The following FLT3 variants were observed in gnomAD, a reference collection of about 807,000 sequenced individuals.
FLT3 encodes the protein receptor-type tyrosine-protein kinase FLT3.
A neutral mutation model predicts 126.6 loss-of-function variants in FLT3; 46 were observed. The ratio of observed to expected loss-of-function variants is 0.36; its 90% CI spans 0.29 to 0.46. FLT3 has a LOEUF of 0.46. FLT3 is among the 20% of genes least tolerant of loss of function. FLT3 has a pLI of 1.00. For synonymous variants in FLT3, 404 were observed against 434.4 expected (o/e 0.93, Z 0.87); for missense variants, 1,069 against 1,190.3 (o/e 0.90, Z 1.50).
At chr13:28,010,650 A>G (rs1871273431) in intron 23 of FLT3, among the ~76,000 whole-genome samples, 1 of 152,010 alleles carries the variant, frequency 6.6e-6, no homozygotes, top group Non-Finnish European at 1.5e-5. Flanking sequence ...TTCTCCATGC[A>G]TTTCCCACTC....
rs2137651317 is a variant in FLT3, at chr13:28,027,097, G to A, written c.2198C>T (p.Pro733Leu). 1 of 1,613,312 alleles carries A rather than the reference G, an allele frequency of 6.2e-7. No individual in the cohort carries two copies. ...FSFYPTFQSH[P>L]NSSMPGSREV... is the part of the protein sequence containing the mutation. Reference sequence around the variant, plus strand: ...TGACCCAGCCTCTTACCTGGAATTTGGATGTGATTGGAAAGTGGGGTAAAA... The same window carrying A: ...TGACCCAGCCTCTTACCTGGAATTTAGATGTGATTGGAAAGTGGGGTAAAA... Residue 733 changes from proline to leucine, a missense_variant, in exon 17 of 24, where the codon CCA (proline) becomes CTA (leucine). Coordinates refer to ENST00000241453, the MANE Select transcript of FLT3 (RefSeq NM_004119.3).
Position 28,100,526 on chromosome 13 carries a change from G to C in FLT3, c.-16C>G. ...ACGCCGGCATGGCCTCCGGAGCCCG[G>C]GGTCCCCAGGCCGCGCCGGCCCAGC... On this transcript the variant is annotated 5_prime_UTR_variant, in exon 1 of 24. Coordinates refer to ENST00000241453, the MANE Select transcript of FLT3 (RefSeq NM_004119.3). This position sits in a 1 kb window ranked among gnomAD's most constrained non-coding sequence, Gnocchi z 4.8. 1 of 1,213,122 alleles carries C rather than the reference G, an allele frequency of 8.2e-7. No homozygotes were observed. The allele number at this position is 1,213,122 out of a possible 1,614,324, so 75.1% of individuals were successfully genotyped here. A position where few individuals can be genotyped will look rare whatever the true frequency, so the allele number is the denominator to read the frequency against.
intron 1 of FLT3, among the ~76,000 whole-genome samples, chr13:28,085,907 G>T (rs1178331921): frequency 6.6e-6 from 1 of 152,098 alleles, no homozygotes; most frequent in East Asian, 1.9e-4. Flanking sequence ...GAGCCCAGGA[G>T]TTTGAGACCA....
chr13:28,073,379 A>C (rs752845285), intron 1 of FLT3: 12 of 418,718 alleles, frequency 2.9e-5, no homozygotes, highest in Non-Finnish European at 5.1e-5. Context: ...AGCATTTTTT[A>C]CTGTCACTTG....
At chr13:28,068,691 A>G (rs1402016766) in intron 2 of FLT3, among the ~76,000 whole-genome samples, 1 of 152,182 alleles carries the variant, frequency 6.6e-6, no homozygotes, top group East Asian at 1.9e-4. Context: ...TCAGCCTCAC[A>G]AGTAGCTGGG....
At chr13:28,082,315 T>C (rs1878380868) in intron 1 of FLT3, among the ~76,000 whole-genome samples, 1 of 152,170 alleles carries the variant, frequency 6.6e-6, no homozygotes, top group African/African-American at 2.4e-5. Context: ...CACACTCAGC[T>C]AATTTTTAAA....
chr13:28,095,184 T>C (rs1047964672), intron 1 of FLT3, among the ~76,000 whole-genome samples: 1 of 152,180 alleles, frequency 6.6e-6, no homozygotes, highest in African/African-American at 2.4e-5. Flanking sequence ...AACCACCTAC[T>C]GTGAAGTTCA....
chr13:28,056,734 G>T (rs1876038373), intron 4 of FLT3, among the ~76,000 whole-genome samples: 1 of 152,170 alleles, frequency 6.6e-6, no homozygotes, highest in Non-Finnish European at 1.5e-5. Flanking sequence ...CTAGCTGCAT[G>T]GGGCTATTTA....
intron 1 of FLT3, among the ~76,000 whole-genome samples, chr13:28,080,583 C>G (rs1878249569): frequency 6.6e-6 from 1 of 152,076 alleles, no homozygotes; most frequent in Non-Finnish European, 1.5e-5. Flanking sequence ...AGTCCTTTAT[C>G]ACTTATGTAA....
chr13:28,071,760 G>A (rs1877539270), intron 1 of FLT3, among the ~76,000 whole-genome samples: 1 of 152,084 alleles, frequency 6.6e-6, no homozygotes, highest in Admixed American at 6.6e-5. Context: ...ATACTATTGT[G>A]GGGTCCTGCA....
chr13:28,090,227 AG>A (rs1185354762), intron 1 of FLT3, among the ~76,000 whole-genome samples: 1 of 151,446 alleles, frequency 6.6e-6, no homozygotes, highest in Non-Finnish European at 1.5e-5. Context: ...TAGTAGAGAC[AG>A]GGTTTCACCA....
intron 1 of FLT3, among the ~76,000 whole-genome samples, chr13:28,091,379 G>T (rs1438705700): frequency 6.7e-6 from 1 of 148,798 alleles, no homozygotes; most frequent in Non-Finnish European, 1.5e-5. Flanking sequence ...CCGCCACCAC[G>T]CCCGGCTAAT....
chr13:28,014,047 G>A (rs998680837), intron 23 of FLT3, among the ~76,000 whole-genome samples: 4 of 152,030 alleles, frequency 2.6e-5, no homozygotes, highest in Non-Finnish European at 5.9e-5. Context: ...TGAGGTGGGG[G>A]AATCGCTTGA....
chr13:28,057,789 C>T (rs1325709321), intron 3 of FLT3, among the ~76,000 whole-genome samples: 5 of 152,142 alleles, frequency 3.3e-5, no homozygotes, highest in African/African-American at 1.2e-4. Context: ...CCTGTAATCT[C>T]AGAACTTTGG....
chr13:28,006,678 ATAGTTG>A (rs1231655358), intron 23 of FLT3, among the ~76,000 whole-genome samples: 2 of 150,752 alleles, frequency 1.3e-5, no homozygotes, highest in African/African-American at 4.9e-5. Flanking sequence ...GTTACTGGGT[ATAGTTG>A]TAATACATCA....
At chr13:28,073,853 TA>T (rs1877738126) in intron 1 of FLT3, among the ~76,000 whole-genome samples, 1 of 146,868 alleles carries the variant, frequency 6.8e-6, no homozygotes. Context: ...AGTGGGAGGA[TA>T]GCTTGAGGCC....
chr13:28,037,461 GA>G (rs1182451054), intron 9 of FLT3, among the ~76,000 whole-genome samples, 173 bp from the exon 10 acceptor site: 1 of 152,196 alleles, frequency 6.6e-6, no homozygotes. Flanking sequence ...GTGGTCCACA[GA>G]CAGGCAGCAT....
chr13:28,038,899 C>T (rs111716728), intron 9 of FLT3, among the ~76,000 whole-genome samples: 1,741 of 152,058 alleles, frequency 0.011, 20 homozygotes, highest in Middle Eastern at 0.027. Flanking sequence ...ATACCTAAAC[C>T]GGGTGGATAG....
At chr13:28,050,842 T>A (rs60945034) in intron 5 of FLT3, among the ~76,000 whole-genome samples, 5,827 of 146,676 alleles carry the variant, frequency 0.04, 333 homozygotes, top group African/African-American at 0.13. Flanking sequence ...GGTCCTATTT[T>A]AAAAAAAAAA....
Sources: allele counts gnomAD v4.1 joint callset (sites outside exome capture counted in the v4.1 genomes callset), GRCh38; gene constraint gnomAD v4.1.1; non-coding constraint Gnocchi (gnomAD v3.1); transcripts MANE v1.5; gene names NCBI Gene and HGNC (gene_info 2026-07-23, HGNC 2026-07-21).